Variants in CHN1 observed in about 807,000 individuals in gnomAD.
The protein encoded by CHN1 is N-chimaerin.
A neutral mutation model predicts 59.5 loss-of-function variants in CHN1; 37 were observed. The observed-to-expected ratio is 0.62, with a 90% CI of 0.48 to 0.82. CHN1 has a LOEUF of 0.82. Ranked by LOEUF, CHN1 falls within the 40% of genes least tolerant of loss-of-function variation. The pLI is 0.00. For missense variants in CHN1, 469 were observed against 571.0 expected (o/e 0.82, Z 1.82); for synonymous variants, 206 against 200.4 (o/e 1.03, Z -0.24).
At chr2:174,947,607 C>T (rs1689886188) in intron 2 of CHN1, among the ~76,000 whole-genome samples, 1 of 151,668 alleles carries the variant, frequency 6.6e-6, no homozygotes, top group Admixed American at 6.6e-5. Context: ...GCCGCAGAAC[C>T]CAAGTAGCTG....
chr2:174,979,652 G>A (rs1270237087), intron 1 of CHN1, among the ~76,000 whole-genome samples: 1 of 152,026 alleles, frequency 6.6e-6, no homozygotes, highest in Non-Finnish European at 1.5e-5. Flanking sequence ...ATCTCTACTG[G>A]CGGGTGGATC....
At chr2:174,887,094 G>C (rs1558967785) in intron 5 of CHN1, among the ~76,000 whole-genome samples, 1 of 151,986 alleles carries the variant, frequency 6.6e-6, no homozygotes, top group Non-Finnish European at 1.5e-5. Flanking sequence ...TTTTGTGCTT[G>C]GATAGCTAAG....
intron 3 of CHN1, among the ~76,000 whole-genome samples, chr2:174,928,317 T>G (rs1484626813): frequency 1.3e-5 from 2 of 152,198 alleles, no homozygotes; most frequent in Admixed American, 6.5e-5. Flanking sequence ...CTTTACAAGT[T>G]TCTTATAAAT....
intron 6 of CHN1, among the ~76,000 whole-genome samples, chr2:174,869,856 C>T (rs1687349082): frequency 6.6e-6 from 1 of 152,088 alleles, no homozygotes; most frequent in African/African-American, 2.4e-5. Flanking sequence ...ACAGAGATCC[C>T]TTCCTGTTTA....
At chr2:174,957,445 T>G (rs1188946482) in intron 1 of CHN1, among the ~76,000 whole-genome samples, 3 of 59,996 alleles carry the variant, frequency 5.0e-5, no homozygotes, top group African/African-American at 7.3e-5. Context: ...GGTGTGTGTG[T>G]TGGGGGGGGG....
intron 5 of CHN1, among the ~76,000 whole-genome samples, chr2:174,895,719 C>A (rs1259186573): frequency 1.3e-5 from 2 of 151,980 alleles, no homozygotes; most frequent in African/African-American, 4.8e-5. Flanking sequence ...ACTGAATGGG[C>A]CATCCGAAAA....
At chr2:174,988,313 C>T (rs144768710) in intron 1 of CHN1, among the ~76,000 whole-genome samples, 7,864 of 149,050 alleles carry the variant, frequency 0.053, 734 homozygotes, top group African/African-American at 0.18. Flanking sequence ...GTCGAGATCG[C>T]GCCACTGCAC....
chr2:174,812,517 T>C, intron 8 of CHN1, 35 bp from the exon 9 acceptor site: 1 of 1,608,834 alleles, frequency 6.2e-7, no homozygotes, highest in Middle Eastern at 1.7e-4. Context: ...ACATTCAATA[T>C]TATTTTCAGA....
chr2:174,827,374 A>G (rs1003374404), intron 7 of CHN1, among the ~76,000 whole-genome samples: 1 of 152,222 alleles, frequency 6.6e-6, no homozygotes, highest in Non-Finnish European at 1.5e-5. Context: ...GCAAAGTGTG[A>G]GAGAAGCTGG....
chr2:174,919,413 C>T (rs1395448251), intron 3 of CHN1, among the ~76,000 whole-genome samples: 1 of 107,538 alleles, frequency 9.3e-6, no homozygotes, highest in Admixed American at 1.0e-4. Flanking sequence ...AAGATGCCAA[C>T]TCCGACTGTT....
At chr2:174,940,559 T>C (rs1022509387) in intron 3 of CHN1, among the ~76,000 whole-genome samples, 5 of 152,188 alleles carry the variant, frequency 3.3e-5, no homozygotes, top group African/African-American at 1.2e-4. Context: ...AATGACATTA[T>C]TTATAAACCC....
rs1292278256 is a variant in CHN1, at chr2:174,799,394, AT to A, written c.*721del. 5 of 431,700 alleles carry A rather than the reference AT, an allele frequency of 1.2e-5. No individual in the cohort carries two copies. The highest frequency in any genetic ancestry group is 1.8e-5 in the Non-Finnish European group (4 of 227,236). 26.7% of individuals were successfully genotyped at this position (431,700 alleles called of 1,614,324 possible). The stretch of plus-strand genomic sequence containing the variant: ...TATGAGAAAAAAGTAAGCTATCAAT[AT>A]TTTTTATTTCTAAAAGCCAATTTAA... On this transcript the variant is annotated 3_prime_UTR_variant, in exon 13 of 13. Transcript: ENST00000409900.
At chr2:174,952,091 TTCTA>T (rs1046767462) in intron 2 of CHN1, 69 bp downstream of exon 2, 15 of 928,884 alleles carry the variant, frequency 1.6e-5, no homozygotes, top group Admixed American at 4.0e-5. Flanking sequence ...GAATGAGTAT[TTCTA>T]TCTAATAATC....
At chr2:174,824,599 T>C (rs1238010909) in intron 7 of CHN1, 81 bp from the exon 8 acceptor site, 13 of 713,682 alleles carry the variant, frequency 1.8e-5, no homozygotes, top group Admixed American at 1.5e-4. Flanking sequence ...AGCACTAATA[T>C]ACAAGCCACA....
At chr2:174,910,899 C>CAAA (rs10568066) in intron 5 of CHN1, among the ~76,000 whole-genome samples, 77 of 76,530 alleles carry the variant, frequency 1.0e-3, no homozygotes, top group African/African-American at 2.3e-3. Flanking sequence ...GACTCCGTCT[C>CAAA]AAAAAAAAAA....
At chr2:174,942,542 AATAG>A (rs1390617567) in intron 3 of CHN1, among the ~76,000 whole-genome samples, 3 of 152,250 alleles carry the variant, frequency 2.0e-5, no homozygotes, top group Non-Finnish European at 1.5e-5. Context: ...GAGGTTGGTT[AATAG>A]ATATAAAATT....
At chr2:174,936,505 GCA>G (rs886827641) in intron 3 of CHN1, among the ~76,000 whole-genome samples, 3 of 151,678 alleles carry the variant, frequency 2.0e-5, no homozygotes, top group Non-Finnish European at 2.9e-5. Flanking sequence ...ATACATACAT[GCA>G]CACACACACA....
intron 5 of CHN1, among the ~76,000 whole-genome samples, chr2:174,897,633 A>C (rs1263436715): frequency 6.6e-6 from 1 of 152,148 alleles, no homozygotes; most frequent in Non-Finnish European, 1.5e-5. Flanking sequence ...TCTAGTAGCT[A>C]GTTAAGCTAC....
chr2:174,800,358 AAAC>A lies in CHN1; in HGVS notation c.1209-74_1209-72del, dbSNP rs1684680840. On this transcript the variant is annotated intron_variant, in intron 12 of 12. Transcript: ENST00000409900. ...TGTTCTTCATTGTGCTTGAACACTA[AAAC>A]AACAAGATTCACAATAAAAGTTTGC... 3.5e-6 allele frequency: 4 copies of A among 1,154,986 alleles called. No individual in the cohort carries two copies. In the South Asian group the frequency reaches 9.9e-5, roughly 29 times the overall value. The allele number at this position is 1,154,986 out of a possible 1,614,324, so 71.5% of individuals were successfully genotyped here.
Sources: allele counts gnomAD v4.1 joint callset (sites outside exome capture counted in the v4.1 genomes callset), GRCh38; gene constraint gnomAD v4.1.1; transcripts MANE v1.5; gene names NCBI Gene and HGNC (gene_info 2026-07-23, HGNC 2026-07-21).